The following USH2A variants were observed in gnomAD, a reference collection of about 807,000 sequenced individuals.
The protein encoded by USH2A is Usher syndrome 2A (autosomal recessive, mild).
USH2A carries 443 observed loss-of-function variants against 538.9 expected under a neutral mutation model. The observed-to-expected ratio is 0.82, with a 90% CI of 0.76 to 0.89. The LOEUF is 0.89. USH2A is among the 40% of genes least tolerant of loss of function. The pLI, the probability that USH2A is intolerant of heterozygous loss-of-function variation, is 0.00. For missense variants in USH2A, 6,633 were observed against 6,324.8 expected, an observed-to-expected ratio of 1.05 and a Z score of -1.65; for synonymous variants, 2,413 against 2,273.5, an observed-to-expected ratio of 1.06 and a Z score of -1.75.
At chr1:216,033,143 C>G (rs567392115) in intron 32 of USH2A, among the ~76,000 whole-genome samples, 1 of 152,270 alleles carries the variant, frequency 6.6e-6, no homozygotes, top group African/African-American at 2.4e-5. Flanking sequence ...TTAAATAAGA[C>G]AGAATCTGAA....
intron 64 of USH2A, among the ~76,000 whole-genome samples, chr1:215,658,349 T>C (rs1008321949): frequency 6.6e-6 from 1 of 152,094 alleles, no homozygotes; most frequent in Admixed American, 6.5e-5. Context: ...GTTTTGGGGT[T>C]TATTGAGCAC....
intron 38 of USH2A, 181 bp from the exon 39 acceptor site, chr1:215,901,086 A>C (rs1665486651): frequency 6.6e-6 from 5 of 756,910 alleles, no homozygotes; most frequent in Non-Finnish European, 8.7e-6. Context: ...TGTTCATTTC[A>C]ACACAATTAC....
Position 216,000,406 on chromosome 1 carries a change from A to G in USH2A, c.6482T>C (p.Ile2161Thr). The part of the protein sequence containing the change: ...LTVLDSRTIH[I>T]QWKQPRKISG... ...GAGAGACAACATTTCTACTTACTGT[A>G]TGTGTATAGTTCTAGAATCCAGGAC... The change falls in exon 33 of 72, where the codon ATA becomes ACA. Residue 2161 changes from isoleucine to threonine, a missense_variant. By Grantham distance (89) the Ile-to-Thr change is moderately conservative. Coordinates refer to ENST00000307340, the MANE Select transcript of USH2A (RefSeq NM_206933.4). 2 of 1,613,476 alleles carry G rather than the reference A, an allele frequency of 1.2e-6. No individual in the cohort carries two copies. Among genetic ancestry groups the G allele is most frequent in the East Asian group, 2.2e-5 (1 of 44,840 alleles).
At chr1:216,037,241 G>A (rs1226497998) in intron 32 of USH2A, among the ~76,000 whole-genome samples, 1 of 152,118 alleles carries the variant, frequency 6.6e-6, no homozygotes, top group Non-Finnish European at 1.5e-5. Flanking sequence ...TCAATGAGAG[G>A]AATGAGCAGG....
intron 21 of USH2A, among the ~76,000 whole-genome samples, chr1:216,138,897 T>A (rs1387437578): frequency 6.6e-6 from 1 of 151,578 alleles, no homozygotes; most frequent in Non-Finnish European, 1.5e-5. Flanking sequence ...AATGTATATA[T>A]TTTTAAATAT....
At chr1:215,783,597 C>T (rs1455493760) in intron 52 of USH2A, among the ~76,000 whole-genome samples, 1 of 152,184 alleles carries the variant, frequency 6.6e-6, no homozygotes, top group Non-Finnish European at 1.5e-5. Context: ...GATGAACACT[C>T]ATGTGATTCA....
intron 12 of USH2A, among the ~76,000 whole-genome samples, chr1:216,248,213 C>G (rs1297163203): frequency 6.6e-6 from 1 of 152,092 alleles, no homozygotes; most frequent in African/African-American, 2.4e-5. Context: ...AAGGAGTACA[C>G]ATATACATTT....
At chr1:216,241,534 T>C (rs1200353284) in intron 13 of USH2A, among the ~76,000 whole-genome samples, 1 of 151,920 alleles carries the variant, frequency 6.6e-6, no homozygotes, top group Non-Finnish European at 1.5e-5. Flanking sequence ...ATATTTGTCT[T>C]TTTGTTTTTT....
chr1:216,263,386 C>T (rs557637253), intron 11 of USH2A, among the ~76,000 whole-genome samples: 3 of 151,968 alleles, frequency 2.0e-5, no homozygotes, highest in East Asian at 1.9e-4. Flanking sequence ...ACTGGCAGAC[C>T]GAATCCAACA....
chr1:215,880,795 T>G (rs1045056223), intron 41 of USH2A, among the ~76,000 whole-genome samples: 7 of 152,226 alleles, frequency 4.6e-5, no homozygotes, highest in Non-Finnish European at 8.8e-5. Context: ...GGTCAGAGCT[T>G]GGCAACACTT....
chr1:216,124,874 G>A, intron 21 of USH2A, among the ~76,000 whole-genome samples: 1 of 152,186 alleles, frequency 6.6e-6, no homozygotes, highest in East Asian at 1.9e-4. Flanking sequence ...TCTGTTGTGA[G>A]ACTGTGGACA....
chr1:215,770,851 T>A (rs1162258093), intron 55 of USH2A, among the ~76,000 whole-genome samples: 1 of 147,652 alleles, frequency 6.8e-6, no homozygotes, highest in Non-Finnish European at 1.5e-5. Flanking sequence ...ATGCCTCTAG[T>A]CCCAGCACTT....
At chr1:215,689,738 C>A (rs1658541469) in intron 61 of USH2A, among the ~76,000 whole-genome samples, 1 of 152,170 alleles carries the variant, frequency 6.6e-6, no homozygotes, top group Non-Finnish European at 1.5e-5. Context: ...CCAGGGCCTC[C>A]CTCTCATTCC....
chr1:215,846,370 A>G (rs989292338), intron 44 of USH2A, among the ~76,000 whole-genome samples: 1 of 151,946 alleles, frequency 6.6e-6, no homozygotes, highest in African/African-American at 2.4e-5. Flanking sequence ...AGGCCATCAC[A>G]CTAGTTAATT....
At chr1:215,814,610 C>G (rs992577096) in intron 48 of USH2A, among the ~76,000 whole-genome samples, 6 of 152,032 alleles carry the variant, frequency 3.9e-5, no homozygotes, top group Admixed American at 2.6e-4. Flanking sequence ...CAGCTCTCCC[C>G]TTCGCTCTCT....
intron 33 of USH2A, 66 bp from the exon 34 acceptor site, chr1:215,999,124 A>G: frequency 7.4e-7 from 1 of 1,358,924 alleles, no homozygotes. Context: ...AGGATTTTCA[A>G]AGGACACATT....
chr1:216,150,857 C>T (rs1023296999), intron 21 of USH2A, among the ~76,000 whole-genome samples: 1 of 152,204 alleles, frequency 6.6e-6, no homozygotes, highest in Admixed American at 6.5e-5. Flanking sequence ...TGTTCCTTTA[C>T]TCTTCATCTC....
intron 21 of USH2A, among the ~76,000 whole-genome samples, chr1:216,152,562 G>A (rs1217258877): frequency 5.3e-5 from 8 of 151,078 alleles, no homozygotes; most frequent in Non-Finnish European, 1.5e-5. Flanking sequence ...CCTATAAAAC[G>A]GCCCCACCCT....
At chr1:215,631,007 A>G (rs776235996) in intron 70 of USH2A, among the ~76,000 whole-genome samples, 34 of 152,310 alleles carry the variant, frequency 2.2e-4, no homozygotes, top group African/African-American at 7.0e-4. Flanking sequence ...AAACTTAGCT[A>G]TACTGTATAC....
Sources: gnomAD v4.1 joint callset for allele counts (sites outside exome capture counted in the v4.1 genomes callset) on GRCh38, gnomAD v4.1.1 for gene constraint, MANE v1.5 for transcripts, NCBI Gene and HGNC (gene_info 2026-07-23, HGNC 2026-07-21) for gene names.